The following CYRIA variants were observed in gnomAD, a reference collection of about 807,000 sequenced individuals.
CYRIA encodes CYFIP related Rac1 interactor A.
In CYRIA, 15 loss-of-function variants were observed where a neutral mutation model predicts 43.9. That is an observed-to-expected ratio of 0.34 (90% CI 0.23 to 0.53). The LOEUF is 0.53. Among genes scored for constraint, CYRIA ranks in the 20% least tolerant of loss-of-function variants. The pLI is 0.94. For synonymous variants in CYRIA, 117 were observed against 136.0 expected, an observed-to-expected ratio of 0.86 and a Z score of 0.97; for missense variants, 236 against 394.2, an observed-to-expected ratio of 0.60 and a Z score of 3.40.
intron 2 of CYRIA, among the ~76,000 whole-genome samples, chr2:16,602,431 A>T (rs980695166): frequency 6.6e-6 from 1 of 152,144 alleles, no homozygotes; most frequent in South Asian, 2.1e-4. Flanking sequence ...ACATATATTT[A>T]TATAATTTCA....
At chr2:16,565,179 T>C (rs892344064) in intron 4 of CYRIA, among the ~76,000 whole-genome samples, 1 of 151,352 alleles carries the variant, frequency 6.6e-6, no homozygotes, top group Admixed American at 6.6e-5. Context: ...CATGCTCTTT[T>C]TTTTTTTTTT....
intron 3 of CYRIA, among the ~76,000 whole-genome samples, chr2:16,574,660 T>C (rs907127063): frequency 6.6e-6 from 1 of 152,214 alleles, no homozygotes; most frequent in Non-Finnish European, 1.5e-5. Flanking sequence ...AGGCTGTGGC[T>C]TCAGAGGGTG....
intron 3 of CYRIA, among the ~76,000 whole-genome samples, chr2:16,583,388 G>T (rs1360976894): frequency 6.6e-6 from 1 of 152,128 alleles, no homozygotes; most frequent in Non-Finnish European, 1.5e-5. Flanking sequence ...CTGGATGCAT[G>T]AATTAAAGGT....
At chr2:16,588,212 C>A (rs1572484222) in intron 2 of CYRIA, 83 bp from the exon 3 acceptor site, 1 of 849,200 alleles carries the variant, frequency 1.2e-6, no homozygotes, top group East Asian at 2.6e-5. Flanking sequence ...CCCCCCATAG[C>A]TACCTTTGAA....
At chr2:16,607,468 G>A (rs546143962) in intron 2 of CYRIA, among the ~76,000 whole-genome samples, 1 of 152,332 alleles carries the variant, frequency 6.6e-6, no homozygotes, top group South Asian at 2.1e-4. Context: ...GGTATGCAAG[G>A]CTATAAGCCT....
intron 1 of CYRIA, among the ~76,000 whole-genome samples, chr2:16,634,573 C>T (rs1374224093): frequency 6.6e-6 from 1 of 152,222 alleles, no homozygotes; most frequent in Non-Finnish European, 1.5e-5. Flanking sequence ...GATAACTCCA[C>T]TCTAACTGCT....
intron 10 of CYRIA, 70 bp from the exon 11 acceptor site, chr2:16,555,209 A>G (rs1666463394): frequency 7.4e-7 from 1 of 1,353,956 alleles, no homozygotes; most frequent in Non-Finnish European, 1.0e-6. Context: ...TACCCATAAT[A>G]ACATGTGCCC....
intron 1 of CYRIA, among the ~76,000 whole-genome samples, chr2:16,634,641 G>A (rs1382915517): frequency 1.3e-5 from 2 of 149,446 alleles, no homozygotes; most frequent in Admixed American, 6.6e-5. Context: ...TTTCCCCACA[G>A]CACATCACAG....
intron 10 of CYRIA, among the ~76,000 whole-genome samples, chr2:16,558,066 A>T (rs915383312): frequency 6.6e-6 from 1 of 152,172 alleles, no homozygotes; most frequent in Admixed American, 6.5e-5. Context: ...TTTGTTAAGG[A>T]CATCCACACA....
intron 1 of CYRIA, among the ~76,000 whole-genome samples, chr2:16,654,726 A>G (rs957989591): frequency 6.6e-6 from 1 of 152,220 alleles, no homozygotes; most frequent in African/African-American, 2.4e-5. Context: ...TGGGATGAAA[A>G]AATGTATACA....
At chr2:16,588,568 G>C (rs1260175107) in intron 2 of CYRIA, among the ~76,000 whole-genome samples, 1 of 152,206 alleles carries the variant, frequency 6.6e-6, no homozygotes, top group East Asian at 1.9e-4. Context: ...AAATGTTTCG[G>C]CTTTGCTTTG....
chr2:16,639,940 T>C (rs1669622485), intron 1 of CYRIA, among the ~76,000 whole-genome samples: 1 of 152,248 alleles, frequency 6.6e-6, no homozygotes, highest in African/African-American at 2.4e-5. Flanking sequence ...TTTTCCACCA[T>C]AAGGGCTTCC....
chr2:16,633,643 G>A (rs918914743), intron 1 of CYRIA, among the ~76,000 whole-genome samples: 8 of 144,166 alleles, frequency 5.5e-5, no homozygotes, highest in African/African-American at 1.8e-4. Flanking sequence ...AGCCTCCCAC[G>A]GTGCTGGGAT....
chr2:16,643,328 C>A (rs144761641), intron 1 of CYRIA, among the ~76,000 whole-genome samples: 23 of 152,180 alleles, frequency 1.5e-4, no homozygotes, highest in Non-Finnish European at 2.6e-4. Context: ...CTGAAAGGCT[C>A]CTGTAGGCAG....
chr2:16,579,419 G>GCGCACACA (rs1553340863), intron 3 of CYRIA, among the ~76,000 whole-genome samples: 8 of 147,334 alleles, frequency 5.4e-5, no homozygotes, highest in African/African-American at 1.7e-4. Context: ...ACATGCACAT[G>GCGCACACA]CACACACACA....
chr2:16,615,791 G>A (rs938087002), intron 2 of CYRIA, among the ~76,000 whole-genome samples: 1 of 152,252 alleles, frequency 6.6e-6, no homozygotes, highest in South Asian at 2.1e-4. Context: ...GAACGTTACT[G>A]TAACATTCGG....
At chr2:16,609,034 G>A (rs938944080) in intron 2 of CYRIA, among the ~76,000 whole-genome samples, 14 of 152,198 alleles carry the variant, frequency 9.2e-5, no homozygotes, top group African/African-American at 3.4e-4. Context: ...AGAGCATTGT[G>A]GGCGATGCAG....
chr2:16,621,982 C>A (rs1669012218), intron 2 of CYRIA, among the ~76,000 whole-genome samples: 1 of 152,160 alleles, frequency 6.6e-6, no homozygotes. Context: ...TAGTGCGAGC[C>A]ACCCACTGCA....
At chr2:16,574,253 G>A (rs781009481) in intron 3 of CYRIA, among the ~76,000 whole-genome samples, 8 of 152,158 alleles carry the variant, frequency 5.3e-5, no homozygotes, top group Admixed American at 6.5e-5. Context: ...AGGGTATCTG[G>A]TGGAAGAAAT....
Sources: allele counts gnomAD v4.1 joint callset (sites outside exome capture counted in the v4.1 genomes callset), GRCh38; gene constraint gnomAD v4.1.1; transcripts MANE v1.5; gene names NCBI Gene and HGNC (gene_info 2026-07-23, HGNC 2026-07-21).